Variants in PPP2CB observed in about 807,000 individuals in gnomAD.
PPP2CB encodes the protein protein phosphatase 2 catalytic subunit beta.
Under a neutral mutation model 39.1 loss-of-function variants are expected in PPP2CB, and 18 were observed. The ratio of observed to expected loss-of-function variants is 0.46; its 90% CI spans 0.32 to 0.68. PPP2CB has a LOEUF of 0.68. Ranked by LOEUF, PPP2CB falls within the 30% of genes least tolerant of loss-of-function variation. The probability of loss-of-function intolerance (pLI) is 0.04; values close to 1 mark genes in which losing one functional copy is unlikely to be tolerated. For synonymous variants in PPP2CB, 129 were observed against 133.8 expected, an observed-to-expected ratio of 0.96 and a Z score of 0.25; for missense variants, 226 against 396.9, an observed-to-expected ratio of 0.57 and a Z score of 3.66.
intron 1 of PPP2CB, among the ~76,000 whole-genome samples, chr8:30,812,104 T>C (rs1806842080): frequency 6.6e-6 from 1 of 151,466 alleles, no homozygotes; most frequent in African/African-American, 2.4e-5. Context: ...GCCGGGGGCG[T>C]GAGGCGGAGG....
At position 30,800,767 on chromosome 8, in the gene PPP2CB, T is replaced by C. The variant is rs540764069; in HGVS notation, c.103-1012A>G. Among the ~76,000 whole-genome samples, 31 of 152,282 alleles carry C rather than the reference T, an allele frequency of 2.0e-4. No homozygotes were observed. In the South Asian group the frequency reaches 5.8e-3, roughly 29 times the overall value. On this transcript the variant is annotated intron_variant, in intron 1 of 6. Coordinates refer to ENST00000221138, the MANE Select transcript of PPP2CB (RefSeq NM_001009552.2). The stretch of plus-strand genomic sequence containing the variant: ...AGGCCTTATTCTGGGCCTACTGTTA[T>C]CTACAAAATTCCAACAAGCTATTTA...
chr8:30,799,787 G>T (rs1447979469), intron 1 of PPP2CB, 32 bp from the exon 2 acceptor site: 1 of 1,581,626 alleles, frequency 6.3e-7, no homozygotes, highest in Admixed American at 1.7e-5. Flanking sequence ...CAATTACAAA[G>T]TTAAAACTAT....
intron 2 of PPP2CB, 151 bp downstream of exon 2, chr8:30,799,395 T>A (rs1265567328): frequency 1.6e-6 from 1 of 620,356 alleles, no homozygotes; most frequent in East Asian, 2.8e-5. Flanking sequence ...GTTATCCTTT[T>A]CACCTCTCCT....
At chr8:30,794,870 C>G (rs1319719243) in intron 3 of PPP2CB, among the ~76,000 whole-genome samples, 1 of 152,076 alleles carries the variant, frequency 6.6e-6, no homozygotes, top group Non-Finnish European at 1.5e-5. Context: ...ATTTTCAGTT[C>G]CTTCATATTT....
intron 1 of PPP2CB, among the ~76,000 whole-genome samples, chr8:30,807,864 T>C (rs1315217176): frequency 1.3e-5 from 2 of 152,252 alleles, no homozygotes; most frequent in Admixed American, 1.3e-4. Context: ...AAAAGCTGGA[T>C]TGCTAATTTA....
intron 1 of PPP2CB, chr8:30,809,908 G>C (rs1269961503): frequency 6.6e-6 from 1 of 151,528 alleles, no homozygotes; most frequent in South Asian, 2.1e-4. Flanking sequence ...CTGCACTCCA[G>C]CCTGACTGAC....
At chr8:30,807,738 G>A (rs1393672443) in intron 1 of PPP2CB, among the ~76,000 whole-genome samples, 2 of 152,174 alleles carry the variant, frequency 1.3e-5, no homozygotes, top group African/African-American at 4.8e-5. Flanking sequence ...AGCAGTGCCA[G>A]CCTGGCTCTC....
chr8:30,794,346 A>C, intron 3 of PPP2CB, 65 bp from the exon 4 acceptor site: 1 of 1,349,158 alleles, frequency 7.4e-7, no homozygotes, highest in South Asian at 1.2e-5. Flanking sequence ...AACAAAGAGT[A>C]AATAATGGTT....
intron 1 of PPP2CB, among the ~76,000 whole-genome samples, chr8:30,806,744 T>C (rs1209143752): frequency 6.6e-6 from 1 of 152,164 alleles, no homozygotes; most frequent in Non-Finnish European, 1.5e-5. Context: ...GAAAAGACTG[T>C]GAAGAAAAAA....
intron 5 of PPP2CB, chr8:30,793,436 C>A (rs1806470019): frequency 6.6e-6 from 1 of 152,568 alleles, no homozygotes; most frequent in African/African-American, 2.4e-5. Flanking sequence ...ATAAAGTGTT[C>A]ATATTAAATA....
chr8:30,806,176 T>C (rs1008638208), intron 1 of PPP2CB, among the ~76,000 whole-genome samples: 10 of 151,422 alleles, frequency 6.6e-5, no homozygotes, highest in African/African-American at 2.4e-4. Flanking sequence ...GCCTCCCGAG[T>C]AGCTGGGCCT....
intron 3 of PPP2CB, among the ~76,000 whole-genome samples, chr8:30,796,198 TTTCAAA>T (rs1304051769): frequency 6.6e-6 from 1 of 152,186 alleles, no homozygotes; most frequent in Non-Finnish European, 1.5e-5. Context: ...AGTATCGTCC[TTTCAAA>T]TTAATCACGG....
At chr8:30,795,735 T>C (rs920851020) in intron 3 of PPP2CB, among the ~76,000 whole-genome samples, 5 of 152,220 alleles carry the variant, frequency 3.3e-5, no homozygotes, top group African/African-American at 1.2e-4. Flanking sequence ...TTTACTTATA[T>C]TGGACGAATT....
At chr8:30,791,346 T>C (rs758881195) in intron 5 of PPP2CB, 31 bp from the exon 6 acceptor site, 68 of 1,440,704 alleles carry the variant, frequency 4.7e-5, no homozygotes, top group Non-Finnish European at 6.2e-5. Context: ...CATTATTTCA[T>C]TATAATATTA....
chr8:30,803,041 G>A (rs1806652405), intron 1 of PPP2CB, among the ~76,000 whole-genome samples: 3 of 152,300 alleles, frequency 2.0e-5, no homozygotes, highest in Admixed American at 2.0e-4. Flanking sequence ...GAGGAAAATT[G>A]TTTTGGAAGA....
rs540446253 is a variant in PPP2CB at position 30,799,117 on chromosome 8, C to T, written c.312+429G>A. ...AAAAGGGTTAAATAAGAGATTTCATCGGCCAGCGTATGCCAGGTGGATTTG... is the reference window on the plus strand; with the variant it reads ...AAAAGGGTTAAATAAGAGATTTCATTGGCCAGCGTATGCCAGGTGGATTTG... On this transcript the variant is annotated intron_variant, in intron 2 of 6. Coordinates refer to ENST00000221138, the MANE Select transcript of PPP2CB (RefSeq NM_001009552.2). Among the ~76,000 whole-genome samples the T allele has an allele frequency of 5.3e-5, 8 of 152,246 alleles. No homozygotes were observed. In the East Asian group the frequency reaches 1.2e-3, roughly 22 times the overall value.
At chr8:30,791,091 G>A in intron 6 of PPP2CB, 106 bp downstream of exon 6, 1 of 656,944 alleles carries the variant, frequency 1.5e-6, no homozygotes. Context: ...CTGGAGAGGG[G>A]CTTTGCTATA....
In PPP2CB at chr8:30,785,939, T is replaced by C. The variant is rs1316803777; in HGVS notation, c.*296A>G. Reference sequence around the variant, plus strand: ...ATTTCCAAATAAGCGCAAAAGGAGATGAAGCAGTTAGTTACCTTTTTTGCT... The same window carrying C: ...ATTTCCAAATAAGCGCAAAAGGAGACGAAGCAGTTAGTTACCTTTTTTGCT... On this transcript the variant is annotated 3_prime_UTR_variant, in exon 7 of 7. Coordinates refer to ENST00000221138, the MANE Select transcript of PPP2CB (RefSeq NM_001009552.2). 1.9e-6 allele frequency: 1 copy of C among 536,274 alleles called. No individual in the cohort carries two copies. The highest frequency in any genetic ancestry group is 2.3e-5 in the Admixed American group (1 of 44,080). 33.2% of individuals were successfully genotyped at this position (536,274 alleles called of 1,614,324 possible).
At chr8:30,809,166 G>A (rs1451164789) in intron 1 of PPP2CB, among the ~76,000 whole-genome samples, 4 of 151,326 alleles carry the variant, frequency 2.6e-5, no homozygotes, top group Admixed American at 6.6e-5. Flanking sequence ...TACCTGCATC[G>A]GCCTCCCAAA....
Sources: allele counts gnomAD v4.1 joint callset (sites outside exome capture counted in the v4.1 genomes callset), GRCh38; gene constraint gnomAD v4.1.1; transcripts MANE v1.5; gene names NCBI Gene and HGNC (gene_info 2026-07-23, HGNC 2026-07-21).